Variants in NKAIN2 observed in about 807,000 individuals in gnomAD.
NKAIN2 encodes sodium/potassium transporting ATPase interacting 2.
Under a neutral mutation model 32.6 loss-of-function variants are expected in NKAIN2, and 14 were observed. That is an observed-to-expected ratio of 0.43 (90% CI 0.28 to 0.67). The LOEUF (loss-of-function observed/expected upper bound fraction) is 0.67. Among genes scored for constraint, NKAIN2 ranks in the 30% least tolerant of loss-of-function variants. The pLI, the probability that NKAIN2 is intolerant of heterozygous loss-of-function variation, is 0.17. For synonymous variants in NKAIN2, 80 were observed against 87.2 expected (o/e 0.92, Z 0.46); for missense variants, 198 against 258.3 (o/e 0.77, Z 1.60).
chr6:124,212,210 C>A (rs1791217505), intron 1 of NKAIN2, among the ~76,000 whole-genome samples: 1 of 151,956 alleles, frequency 6.6e-6, no homozygotes, highest in East Asian at 1.9e-4. Context: ...TCATTATTTG[C>A]AGTTTTATTT....
intron 3 of NKAIN2, among the ~76,000 whole-genome samples, chr6:124,467,158 G>A (rs1212892836): frequency 2.6e-5 from 4 of 152,056 alleles, no homozygotes; most frequent in African/African-American, 9.7e-5. Flanking sequence ...AAATTGCCAT[G>A]ATCCCAGACC....
intron 4 of NKAIN2, among the ~76,000 whole-genome samples, chr6:124,763,762 A>G (rs1778378577): frequency 6.6e-6 from 1 of 152,224 alleles, no homozygotes; most frequent in African/African-American, 2.4e-5. Context: ...TTCCACAGAC[A>G]TATTTTAAAA....
intron 1 of NKAIN2, among the ~76,000 whole-genome samples, chr6:124,241,298 G>T (rs377358001): frequency 3.3e-5 from 5 of 152,084 alleles, no homozygotes; most frequent in African/African-American, 1.2e-4. Context: ...AATCAATATC[G>T]TGAAAATGGC....
intron 3 of NKAIN2, among the ~76,000 whole-genome samples, chr6:124,636,485 T>C (rs1783778351): frequency 1.3e-5 from 2 of 151,674 alleles, no homozygotes; most frequent in Non-Finnish European, 2.9e-5. Context: ...GTTGCTCTCT[T>C]GAGAAGAAAA....
intron 1 of NKAIN2, among the ~76,000 whole-genome samples, chr6:123,914,954 T>A (rs1775414009): frequency 6.6e-6 from 1 of 152,160 alleles, no homozygotes; most frequent in Non-Finnish European, 1.5e-5. Flanking sequence ...TGCATTTGAT[T>A]CCCAAGCCCA....
At chr6:124,251,881 T>C (rs1793704016) in intron 1 of NKAIN2, among the ~76,000 whole-genome samples, 1 of 152,012 alleles carries the variant, frequency 6.6e-6, no homozygotes, top group Non-Finnish European at 1.5e-5. Context: ...GTAAAACCTA[T>C]AGAAATTTTT....
intron 4 of NKAIN2, among the ~76,000 whole-genome samples, chr6:124,687,783 T>C (rs13205084): frequency 0.46 from 42,858 of 92,370 alleles, 8,077 homozygotes; most frequent in Non-Finnish European, 0.56. Context: ...CACACACACA[T>C]ACTGTTCTAT....
At chr6:124,080,587 C>T (rs1783914533) in intron 1 of NKAIN2, among the ~76,000 whole-genome samples, 1 of 151,476 alleles carries the variant, frequency 6.6e-6, no homozygotes, top group Admixed American at 6.6e-5. Context: ...TTATATTAGA[C>T]CAAAAAACAT....
At chr6:124,017,171 A>G (rs924496637) in intron 1 of NKAIN2, among the ~76,000 whole-genome samples, 1 of 151,948 alleles carries the variant, frequency 6.6e-6, no homozygotes, top group African/African-American at 2.4e-5. Flanking sequence ...GTGCAGGGGA[A>G]CTCCCCTTTA....
chr6:123,872,996 A>G (rs1772975955), intron 1 of NKAIN2, among the ~76,000 whole-genome samples: 1 of 152,214 alleles, frequency 6.6e-6, no homozygotes, highest in South Asian at 2.1e-4. Flanking sequence ...TACTTGTGCT[A>G]GGCACTATTT....
chr6:124,176,011 T>G (rs1479221805), intron 1 of NKAIN2, among the ~76,000 whole-genome samples: 1 of 152,212 alleles, frequency 6.6e-6, no homozygotes, highest in Non-Finnish European at 1.5e-5. Flanking sequence ...CAGACTTACC[T>G]CAGAGATATT....
intron 3 of NKAIN2, among the ~76,000 whole-genome samples, chr6:124,644,071 C>T (rs1327864763): frequency 6.6e-6 from 1 of 152,062 alleles, no homozygotes; most frequent in Non-Finnish European, 1.5e-5. Context: ...CTTACATTGA[C>T]CTGAATACAT....
intron 2 of NKAIN2, among the ~76,000 whole-genome samples, chr6:124,348,851 A>G (rs540251979): frequency 6.6e-6 from 1 of 152,220 alleles, no homozygotes; most frequent in Non-Finnish European, 1.5e-5. Flanking sequence ...AGTCAAAGAA[A>G]GGGGTGACAG....
intron 1 of NKAIN2, among the ~76,000 whole-genome samples, chr6:124,002,786 G>C (rs558025768): frequency 6.6e-6 from 1 of 152,300 alleles, no homozygotes; most frequent in African/African-American, 2.4e-5. Context: ...AACCCTTGCA[G>C]TATTATACTG....
intron 3 of NKAIN2, among the ~76,000 whole-genome samples, chr6:124,556,360 A>G (rs1780475644): frequency 6.6e-6 from 1 of 152,180 alleles, no homozygotes; most frequent in African/African-American, 2.4e-5. Flanking sequence ...TGTAATTGCC[A>G]TTGTGATGGT....
At chr6:124,755,178 T>G (rs1777904646) in intron 4 of NKAIN2, among the ~76,000 whole-genome samples, 1 of 152,074 alleles carries the variant, frequency 6.6e-6, no homozygotes, top group African/African-American at 2.4e-5. Flanking sequence ...GCAAAGCACT[T>G]GAGTCCAAAG....
At chr6:124,130,402 G>A (rs1786413482) in intron 1 of NKAIN2, among the ~76,000 whole-genome samples, 1 of 152,086 alleles carries the variant, frequency 6.6e-6, no homozygotes, top group African/African-American at 2.4e-5. Context: ...CATGAAAACT[G>A]TAACAACATC....
rs546089385 is a variant in NKAIN2, at chr6:124,387,268, T to TA, written c.273+31928dup. On this transcript the variant is annotated intron_variant, in intron 3 of 6. Transcript: ENST00000368417. The stretch of plus-strand genomic sequence containing the variant: ...CATGTGTCTTTAGTCTTCTATTCTG[T>TA]AAAAAAAGTTTGGACCTAATTAAAG... 1.9e-3 allele frequency among the ~76,000 whole-genome samples: 280 copies of TA among 148,444 alleles called. 2 individuals are homozygous for TA. The highest frequency in any genetic ancestry group is 6.8e-3 in the African/African-American group (273 of 40,128).
intron 3 of NKAIN2, among the ~76,000 whole-genome samples, chr6:124,581,033 C>T (rs1454498157): frequency 1.3e-5 from 2 of 152,106 alleles, no homozygotes; most frequent in Non-Finnish European, 2.9e-5. Context: ...CCCACATATG[C>T]AAAGCAAATA....
Sources: gnomAD v4.1 joint callset for allele counts (sites outside exome capture counted in the v4.1 genomes callset) on GRCh38, gnomAD v4.1.1 for gene constraint, MANE v1.5 for transcripts, NCBI Gene and HGNC (gene_info 2026-07-23, HGNC 2026-07-21) for gene names.